ITSN1: variants seen among roughly 807,000 people sequenced by gnomAD.
ITSN1 encodes intersectin-1.
A neutral mutation model predicts 239.8 loss-of-function variants in ITSN1; 58 were observed. The observed-to-expected ratio is 0.24, with a 90% CI of 0.20 to 0.30. The LOEUF (loss-of-function observed/expected upper bound fraction) is 0.30. Among genes scored for constraint, ITSN1 ranks in the 10% least tolerant of loss-of-function variants. The probability of loss-of-function intolerance (pLI) is 1.00; values close to 1 mark genes in which losing one functional copy is unlikely to be tolerated. For synonymous variants in ITSN1, 780 were observed against 770.8 expected (o/e 1.01, Z -0.20); for missense variants, 1,558 against 2,103.3 (o/e 0.74, Z 5.07).
At chr21:33,836,025 A>G (rs2074581303) in intron 28 of ITSN1, among the ~76,000 whole-genome samples, 1 of 152,210 alleles carries the variant, frequency 6.6e-6, no homozygotes, top group African/African-American at 2.4e-5. Flanking sequence ...TTCCACTTTA[A>G]ACCAAAAAGG....
chr21:33,827,721 T>C (rs1388530711), intron 26 of ITSN1, among the ~76,000 whole-genome samples: 1 of 152,184 alleles, frequency 6.6e-6, no homozygotes, highest in African/African-American at 2.4e-5. Flanking sequence ...GTGCTATAAA[T>C]AGCACGAAAA....
chr21:33,836,939 T>G (rs1180764082), intron 29 of ITSN1: 1 of 1,511,120 alleles, frequency 6.6e-7, no homozygotes, highest in Non-Finnish European at 9.2e-7. Context: ...GCTTGAATTT[T>G]GCTCATTGTT....
chr21:33,751,800 A>AT lies in ITSN1; in HGVS notation c.527-5dup, dbSNP rs1218095002. On this transcript the variant is annotated splice_polypyrimidine_tract_variant and intron_variant, in intron 6 of 39. Coordinates refer to ENST00000381318, the MANE Select transcript of ITSN1 (RefSeq NM_003024.3). ...GTAGAATTAAAATTATTCAACATTT[A>AT]TTTTTACAGCAGCCACATTGCCAAA... is the stretch of plus-strand genomic sequence containing the variant. 1.3e-6 allele frequency: 2 copies of AT among 1,588,614 alleles called. No individual in the cohort carries two copies. Among genetic ancestry groups the AT allele is most frequent in the African/African-American group, 1.3e-5 (1 of 74,094 alleles).
At chr21:33,670,248 G>T (rs1348323315) in intron 1 of ITSN1, among the ~76,000 whole-genome samples, 3 of 152,084 alleles carry the variant, frequency 2.0e-5, no homozygotes, top group African/African-American at 7.2e-5. Flanking sequence ...CCAGCTATGT[G>T]GGAGGCTGAG....
At chr21:33,816,409 A>G (rs920496716) in intron 22 of ITSN1, among the ~76,000 whole-genome samples, 1 of 152,158 alleles carries the variant, frequency 6.6e-6, no homozygotes, top group African/African-American at 2.4e-5. Context: ...TTGCATTACC[A>G]TGGGATTGCT....
intron 29 of ITSN1, among the ~76,000 whole-genome samples, chr21:33,848,964 A>G (rs117112832): frequency 6.6e-6 from 1 of 152,172 alleles, no homozygotes; most frequent in South Asian, 2.1e-4. Flanking sequence ...TATTTGGCCG[A>G]GTGTGGTGGC....
At chr21:33,710,909 G>A (rs1236499011) in intron 1 of ITSN1, among the ~76,000 whole-genome samples, 1 of 151,220 alleles carries the variant, frequency 6.6e-6, no homozygotes, top group Non-Finnish European at 1.5e-5. Flanking sequence ...GGGTTCAAGT[G>A]ATTCTCCTGC....
chr21:33,714,836 G>T (rs1020812896), intron 1 of ITSN1, among the ~76,000 whole-genome samples: 7 of 152,160 alleles, frequency 4.6e-5, no homozygotes, highest in Admixed American at 2.6e-4. Flanking sequence ...AAAGCTTAAA[G>T]AAAATATTAG....
chr21:33,646,683 T>G (rs968197333), intron 1 of ITSN1, among the ~76,000 whole-genome samples: 29 of 152,338 alleles, frequency 1.9e-4, no homozygotes, highest in African/African-American at 7.0e-4. Flanking sequence ...AGTGCTTACC[T>G]AAGTTTTTGA....
rs775378886 is a variant in ITSN1, at chr21:33,750,193, C to T, written c.397C>T (p.Pro133Ser). The stretch of plus-strand genomic sequence containing the variant: ...ACCGCTTACAGCTGTTGCTCCAGTG[C>T]CAATGGGATCCATTCCAGTTGTTGG... ...MPPLTAVAPVPMGSIPVVGMS... is the reference protein window; with the variant it reads ...MPPLTAVAPVSMGSIPVVGMS... The change falls in exon 6 of 40, where the codon CCA becomes TCA. Residue 133 changes from proline (P) to serine (S), a missense_variant. By Grantham distance (74) the Pro-to-Ser change is moderately conservative (BLOSUM62 -1). Around this residue, in one of 2 missense-constraint regions of ITSN1, gnomAD observed 982 missense variants for 1,209.9 expected, o/e 0.81. Transcript: ENST00000381318. 3.1e-6 allele frequency: 5 copies of T among 1,614,124 alleles called. No homozygotes were observed. The highest frequency in any genetic ancestry group is 1.1e-5 in the South Asian group (1 of 91,082).
rs762177537 is a variant in ITSN1, at chr21:33,883,588, C to T, written c.4593C>T (p.Thr1531=). The T allele has an allele frequency of 9.9e-6, 16 of 1,613,838 alleles. No homozygotes were observed. In the East Asian group the frequency reaches 2.7e-4, roughly 27 times the overall value. The change falls in exon 36 of 40, where the codon ACC becomes ACT. Residue 1531 remains threonine (T), a synonymous_variant. Coordinates refer to ENST00000381318, the MANE Select transcript of ITSN1 (RefSeq NM_003024.3). ...FLNEVLVKLP[T]DPSGDEPIFH... ...ATGAGGTTCTAGTAAAATTACCCAC[C>T]GACCCTTCTGGAGACGAGCCCATCT...
rs562194018 is a variant in ITSN1 at position 33,757,821 on chromosome 21, C to T, written c.724+2424C>T. ...TTTATATTTGTAATCTCTTGTTTTT[C>T]ATCCTTCTTGCTTTTGTTTTTTGTG... On this transcript the variant is annotated intron_variant, in intron 8 of 39. Coordinates refer to ENST00000381318, the MANE Select transcript of ITSN1 (RefSeq NM_003024.3). 2.0e-4 allele frequency among the ~76,000 whole-genome samples: 30 copies of T among 152,142 alleles called. No individual in the cohort carries two copies. In the South Asian group the frequency reaches 6.2e-3, roughly 32 times the overall value.
intron 1 of ITSN1, among the ~76,000 whole-genome samples, chr21:33,679,218 T>G (rs963576576): frequency 6.6e-6 from 1 of 151,968 alleles, no homozygotes; most frequent in African/African-American, 2.4e-5. Context: ...GTTATTCCCT[T>G]TGTGTGTGTG....
chr21:33,781,438 C>T, intron 14 of ITSN1, 23 bp from the exon 15 acceptor site: 1 of 1,355,468 alleles, frequency 7.4e-7, no homozygotes, highest in Non-Finnish European at 1.1e-6. Context: ...TCATTCATTA[C>T]TATTTTCCTC....
rs545619263 is a variant in ITSN1 at position 33,706,971 on chromosome 21, C to T, written c.-32-11826C>T. On this transcript the variant is annotated intron_variant, in intron 1 of 39. Coordinates refer to ENST00000381318, the MANE Select transcript of ITSN1 (RefSeq NM_003024.3). ...CTCCTGACCTCAAGTGATCCACCCG[C>T]CTCGGCCTCCCAAAGTGCTGGGATT... Among the ~76,000 whole-genome samples, 15 of 152,292 alleles carry T rather than the reference C, an allele frequency of 9.8e-5. No homozygotes were observed. In the South Asian group the frequency reaches 3.1e-3, roughly 32 times the overall value.
At chr21:33,813,525 G>A (rs1025641058) in intron 21 of ITSN1, among the ~76,000 whole-genome samples, 2 of 151,916 alleles carry the variant, frequency 1.3e-5, no homozygotes, top group African/African-American at 4.8e-5. Flanking sequence ...GCTAATTTTT[G>A]TATTTTTAGT....
chr21:33,779,128 A>C (rs2069929368), intron 14 of ITSN1, among the ~76,000 whole-genome samples: 1 of 143,766 alleles, frequency 7.0e-6, no homozygotes, highest in Admixed American at 6.8e-5. Flanking sequence ...TTTTTTTAGT[A>C]AGCCCTTGGC....
chr21:33,712,429 C>G (rs976216023), intron 1 of ITSN1, among the ~76,000 whole-genome samples: 1 of 152,198 alleles, frequency 6.6e-6, no homozygotes, highest in Non-Finnish European at 1.5e-5. Flanking sequence ...GTTCAGTTTT[C>G]AAGACCAGTG....
rs1266170323 is a variant in ITSN1, at chr21:33,882,690, T to C, written c.4554+235T>C. ...ATTGGCTGCCAAATGGCTGCTGTGG[T>C]CCCCTGGGATGTGACAGAGGCATGC... On this transcript the variant is annotated intron_variant, in intron 35 of 39. Coordinates refer to ENST00000381318, the MANE Select transcript of ITSN1 (RefSeq NM_003024.3). The surrounding 1 kb of genome is among the most constrained non-coding windows in gnomAD (Gnocchi z 4.5). 1.3e-5 allele frequency among the ~76,000 whole-genome samples: 2 copies of C among 152,164 alleles called. No individual in the cohort carries two copies. The highest frequency in any genetic ancestry group is 6.5e-5 in the Admixed American group (1 of 15,282).
Sources: gnomAD v4.1 joint callset for allele counts (sites outside exome capture counted in the v4.1 genomes callset) on GRCh38, gnomAD v4.1.1 for gene constraint, gnomAD v4.1.1 regional missense constraint, Gnocchi (gnomAD v3.1) non-coding constraint, MANE v1.5 for transcripts, NCBI Gene and HGNC (gene_info 2026-07-23, HGNC 2026-07-21) for gene names.